Variants in NRG1 observed in about 807,000 individuals in gnomAD.
NRG1 encodes the protein pro-neuregulin-1, membrane-bound isoform.
In NRG1, 18 loss-of-function variants were observed where a neutral mutation model predicts 63.8. That is an observed-to-expected ratio of 0.28 (90% CI 0.19 to 0.42). The LOEUF is 0.42. NRG1 is among the 10% of genes least tolerant of loss of function. The pLI, the probability that NRG1 is intolerant of heterozygous loss-of-function variation, is 1.00. For synonymous variants in NRG1, 302 were observed against 301.3 expected (o/e 1.00, Z -0.02); for missense variants, 762 against 814.7 (o/e 0.94, Z 0.79).
intron 1 of NRG1, among the ~76,000 whole-genome samples, chr8:31,842,441 C>T (rs1406367917): frequency 2.6e-5 from 4 of 152,148 alleles, no homozygotes; most frequent in African/African-American, 9.7e-5. Flanking sequence ...CAATAATATC[C>T]AATGAAGCCA....
At chr8:32,720,873 A>T (rs1456075147) in intron 5 of NRG1, among the ~76,000 whole-genome samples, 1 of 152,228 alleles carries the variant, frequency 6.6e-6, no homozygotes, top group Non-Finnish European at 1.5e-5. Context: ...TATTATTCTA[A>T]GGATAACACT....
chr8:31,905,513 G>A (rs895040196), intron 1 of NRG1, among the ~76,000 whole-genome samples: 2 of 152,116 alleles, frequency 1.3e-5, no homozygotes, highest in East Asian at 1.9e-4. Context: ...TTATTAATAG[G>A]TGGTATGGTT....
At chr8:32,653,123 G>GTTTTTTTT (rs150693577) in intron 5 of NRG1, among the ~76,000 whole-genome samples, 1 of 148,250 alleles carries the variant, frequency 6.7e-6, no homozygotes, top group African/African-American at 2.5e-5. Context: ...TTCCTCTTTG[G>GTTTTTTTT]TTTTTTTTTG....
rs1393676483 is a variant in NRG1 at position 32,559,256 on chromosome 8, A to AAAAAAAAAAAAAAAAAAT, written c.100+10437_100+10438insAAAAAAAAAATAAAAAAA. 7.1e-4 allele frequency among the ~76,000 whole-genome samples: 107 copies of AAAAAAAAAAAAAAAAAAT among 150,536 alleles called. 1 individual carries two copies. The highest frequency in any genetic ancestry group is 1.3e-3 in the Non-Finnish European group (87 of 67,454). On this transcript the variant is annotated intron_variant, in intron 1 of 11. Coordinates refer to ENST00000356819, the Ensembl canonical transcript of NRG1. ...CTCACTCTAAAATGTAAAAAAAAAA[A>AAAAAAAAAAAAAAAAAAT]AAAAAAATCACTACTCAGACCTTAT...
intron 1 of NRG1, among the ~76,000 whole-genome samples, chr8:31,814,328 C>T (rs947029300): frequency 1.3e-5 from 2 of 152,182 alleles, no homozygotes; most frequent in Admixed American, 6.5e-5. Flanking sequence ...AGTTCTCCAG[C>T]CCCGGTTCCT....
chr8:32,728,374 G>T (rs1822796083), intron 6 of NRG1: 1 of 985,090 alleles, frequency 1.0e-6, no homozygotes, highest in Middle Eastern at 5.2e-4. Context: ...TTGTTATTCA[G>T]AAAAGATGTG....
intron 1 of NRG1, among the ~76,000 whole-genome samples, chr8:31,654,311 G>A (rs1437913723): frequency 6.6e-6 from 1 of 152,190 alleles, no homozygotes; most frequent in Non-Finnish European, 1.5e-5. Context: ...AATAGAACCA[G>A]TTCATCCCAG....
chr8:31,850,498 A>G (rs1265884396), intron 1 of NRG1, among the ~76,000 whole-genome samples: 2 of 151,992 alleles, frequency 1.3e-5, no homozygotes, highest in Non-Finnish European at 2.9e-5. Context: ...ATTGAACCAG[A>G]TTTGCCTGGC....
intron 1 of NRG1, among the ~76,000 whole-genome samples, chr8:32,034,885 CAA>C (rs1220241760): frequency 6.9e-6 from 1 of 143,966 alleles, no homozygotes; most frequent in Non-Finnish European, 1.5e-5. Context: ...TTTTTTTTTT[CAA>C]AAAAACAGCT....
rs191935317 is a variant in NRG1 at position 31,817,315 on chromosome 8, G to A, written c.37+177884G>A. On this transcript the variant is annotated intron_variant, in intron 1 of 10. Transcript: ENST00000519301. ...ACAGAGACTCCTAACAGGGCTCCCT[G>A]GACCAGGCTTAGACATCAATAGGGA... Among the ~76,000 whole-genome samples, 45 of 152,296 alleles carry A rather than the reference G, an allele frequency of 3.0e-4. 1 individual carries two copies. The highest frequency in any genetic ancestry group is 9.6e-4 in the African/African-American group (40 of 41,562).
chr8:32,300,440 A>G (rs1005155985), intron 1 of NRG1, among the ~76,000 whole-genome samples: 2 of 152,216 alleles, frequency 1.3e-5, no homozygotes, highest in African/African-American at 4.8e-5. Flanking sequence ...TTTCTAAAAT[A>G]CCACCAGAAT....
At chr8:31,784,894 C>T (rs761554564) in intron 1 of NRG1, among the ~76,000 whole-genome samples, 12 of 152,158 alleles carry the variant, frequency 7.9e-5, no homozygotes, top group Admixed American at 1.3e-4. Context: ...GCAGTCACCA[C>T]GAGGAAGCTT....
intron 1 of NRG1, among the ~76,000 whole-genome samples, chr8:31,917,571 G>A (rs1299758828): frequency 2.6e-5 from 4 of 152,012 alleles, no homozygotes; most frequent in Admixed American, 1.3e-4. Context: ...CTATATCTCT[G>A]TTTTGGTACC....
chr8:32,706,969 G>A (rs1816587610), intron 5 of NRG1, among the ~76,000 whole-genome samples: 2 of 151,880 alleles, frequency 1.3e-5, no homozygotes, highest in Admixed American at 1.3e-4. Flanking sequence ...TTATTTAGAA[G>A]TTTACAAGAT....
At chr8:31,825,309 AC>A (rs1824435203) in intron 1 of NRG1, among the ~76,000 whole-genome samples, 1 of 151,190 alleles carries the variant, frequency 6.6e-6, no homozygotes, top group African/African-American at 2.4e-5. Flanking sequence ...AATGGCATGA[AC>A]CCGGGAGGCG....
intron 1 of NRG1, among the ~76,000 whole-genome samples, chr8:32,574,405 C>T (rs1472027723): frequency 6.6e-6 from 1 of 152,086 alleles, no homozygotes; most frequent in Non-Finnish European, 1.5e-5. Flanking sequence ...GATCAGATCA[C>T]TGTGTGGTAT....
intron 5 of NRG1, chr8:32,647,689 C>T (rs369351837): frequency 2.2e-5 from 34 of 1,520,658 alleles, no homozygotes; most frequent in African/African-American, 2.8e-5. Flanking sequence ...ACCGTGAGAG[C>T]GGCCAGGCCT....
At chr8:31,815,685 C>T (rs111722705) in intron 1 of NRG1, among the ~76,000 whole-genome samples, 2,049 of 152,302 alleles carry the variant, frequency 0.013, 52 homozygotes, top group African/African-American at 0.047. Flanking sequence ...TCCACAGCAT[C>T]TGTACCATTT....
chr8:31,702,912 C>T (rs564596502), intron 1 of NRG1, among the ~76,000 whole-genome samples: 2 of 151,722 alleles, frequency 1.3e-5, no homozygotes, highest in East Asian at 3.9e-4. Flanking sequence ...GTTTACAAGG[C>T]CTGCAGTATA....
Sources: gnomAD v4.1 joint callset for allele counts (sites outside exome capture counted in the v4.1 genomes callset) on GRCh38, gnomAD v4.1.1 for gene constraint, MANE v1.5 for transcripts, NCBI Gene and HGNC (gene_info 2026-07-23, HGNC 2026-07-21) for gene names.